The following GTF2IRD1 variants were observed in gnomAD, a reference collection of about 807,000 sequenced individuals.
The protein encoded by GTF2IRD1 is general transcription factor II-I repeat domain-containing protein 1.
In GTF2IRD1, 26 loss-of-function variants were observed where a neutral mutation model predicts 113.2. The ratio of observed to expected loss-of-function variants is 0.23; its 90% confidence interval spans 0.17 to 0.32. GTF2IRD1 has a LOEUF of 0.32. GTF2IRD1 is among the 10% of genes least tolerant of loss of function. GTF2IRD1 has a pLI of 1.00. For missense variants in GTF2IRD1, 864 were observed against 1,280.8 expected, an observed-to-expected ratio of 0.67 and a Z score of 4.97; for synonymous variants, 484 against 529.1, an observed-to-expected ratio of 0.91 and a Z score of 1.17.
At chr7:74,571,301 C>T in intron 22 of GTF2IRD1, 1 of 163,310 alleles carries the variant, frequency 6.1e-6, no homozygotes, top group Non-Finnish European at 1.3e-5. Flanking sequence ...GAGGGATGGG[C>T]TGTCATGAGT....
chr7:74,467,424 A>G (rs1457657551), intron 1 of GTF2IRD1, among the ~76,000 whole-genome samples: 1 of 152,190 alleles, frequency 6.6e-6, no homozygotes, highest in Non-Finnish European at 1.5e-5. Context: ...CCCTCCAGGA[A>G]AGGCAGCTGA....
chr7:74,562,207 G>A (rs1357723673), intron 22 of GTF2IRD1, among the ~76,000 whole-genome samples: 11 of 152,306 alleles, frequency 7.2e-5, no homozygotes, highest in African/African-American at 2.4e-4. Context: ...AGGGTGAATC[G>A]GAGTGGAAGC....
At chr7:74,494,853 G>C (rs1234496772) in intron 1 of GTF2IRD1, among the ~76,000 whole-genome samples, 1 of 152,208 alleles carries the variant, frequency 6.6e-6, no homozygotes, top group East Asian at 1.9e-4. Flanking sequence ...CTGGGCTCAA[G>C]TGGTCCTCTT....
chr7:74,552,396 A>T (rs1799365315), intron 17 of GTF2IRD1, among the ~76,000 whole-genome samples: 1 of 152,024 alleles, frequency 6.6e-6, no homozygotes, highest in Admixed American at 6.6e-5. Flanking sequence ...GGGTCCTGTA[A>T]TTCCAGCTAC....
At chr7:74,542,452 G>A (rs1798686556) in intron 14 of GTF2IRD1, among the ~76,000 whole-genome samples, 1 of 152,192 alleles carries the variant, frequency 6.6e-6, no homozygotes, top group African/African-American at 2.4e-5. Flanking sequence ...GTAACACTAA[G>A]CAAAAGAGGA....
intron 6 of GTF2IRD1, among the ~76,000 whole-genome samples, chr7:74,519,976 G>C (rs1376472496): frequency 6.6e-6 from 1 of 151,154 alleles, no homozygotes; most frequent in African/African-American, 2.4e-5. Flanking sequence ...CTGGGTCCCA[G>C]CTACTCGGGA....
intron 25 of GTF2IRD1, among the ~76,000 whole-genome samples, chr7:74,600,402 G>C (rs139744834): frequency 3.9e-5 from 6 of 152,092 alleles, no homozygotes; most frequent in African/African-American, 1.4e-4. Context: ...CTGGGCAACA[G>C]AGTGAGACCC....
At chr7:74,569,410 A>G (rs782455581) in intron 22 of GTF2IRD1, among the ~76,000 whole-genome samples, 1 of 151,750 alleles carries the variant, frequency 6.6e-6, no homozygotes, top group Non-Finnish European at 1.5e-5. Context: ...GGCCAAAGCC[A>G]CTCCCTGGTC....
chr7:74,520,570 G>A (rs1355086843), intron 6 of GTF2IRD1, among the ~76,000 whole-genome samples: 1 of 151,892 alleles, frequency 6.6e-6, no homozygotes, highest in Non-Finnish European at 1.5e-5. Flanking sequence ...GAAGCTTTGG[G>A]GATGGGACCC....
chr7:74,543,114 C>A (rs1455526043), intron 14 of GTF2IRD1, among the ~76,000 whole-genome samples: 4 of 151,946 alleles, frequency 2.6e-5, no homozygotes, highest in African/African-American at 9.7e-5. Context: ...ACCAGCCTGC[C>A]CAACATGGCG....
chr7:74,596,343 C>T (rs1802408902), intron 25 of GTF2IRD1, among the ~76,000 whole-genome samples: 1 of 151,744 alleles, frequency 6.6e-6, no homozygotes, highest in South Asian at 2.1e-4. Context: ...TGCCTGTAAT[C>T]CCAGCTACTT....
chr7:74,527,414 C>T (rs1274433146), intron 8 of GTF2IRD1, among the ~76,000 whole-genome samples: 1 of 152,142 alleles, frequency 6.6e-6, no homozygotes, highest in Non-Finnish European at 1.5e-5. Flanking sequence ...ATGACTTTAG[C>T]CAGAAGTCGA....
At chr7:74,545,616 C>T (rs772229677) in intron 15 of GTF2IRD1, 128 bp from the exon 16 acceptor site, 31 of 694,712 alleles carry the variant, frequency 4.5e-5, no homozygotes, top group South Asian at 9.5e-5. Context: ...AGTTACCCAC[C>T]GCCCCAGCCC....
chr7:74,566,534 G>C (rs1483510919), intron 22 of GTF2IRD1, among the ~76,000 whole-genome samples: 1 of 152,168 alleles, frequency 6.6e-6, no homozygotes, highest in Non-Finnish European at 1.5e-5. Flanking sequence ...TAGAGACGGG[G>C]TTTTGCCATG....
intron 25 of GTF2IRD1, 75 bp downstream of exon 25, chr7:74,595,126 C>A: frequency 1.8e-6 from 2 of 1,097,696 alleles, no homozygotes; most frequent in Non-Finnish European, 2.7e-6. Context: ...AAAGGTAGAC[C>A]CGGGCGCAGT....
chr7:74,491,084 G>T (rs1795309728), intron 1 of GTF2IRD1, among the ~76,000 whole-genome samples: 2 of 152,142 alleles, frequency 1.3e-5, no homozygotes, highest in South Asian at 4.1e-4. Flanking sequence ...AAAGTGGGCA[G>T]ATCATGAGGT....
intron 22 of GTF2IRD1, chr7:74,572,522 C>T: frequency 1.1e-6 from 1 of 944,650 alleles, no homozygotes; most frequent in South Asian, 4.9e-5. Flanking sequence ...GATGAGTTAA[C>T]TGTCTTTGGG....
At position 74,534,159 on chromosome 7, in the gene GTF2IRD1, C is replaced by T. The variant is rs587673028; in HGVS notation, c.1275-954C>T. ...GTTGGGCAAAAGCCCTCAGGATAAACGAATAAGTCATTCAGAGTAGGTGCT... is the reference window on the plus strand; with the variant it reads ...GTTGGGCAAAAGCCCTCAGGATAAATGAATAAGTCATTCAGAGTAGGTGCT... On this transcript the variant is annotated intron_variant, in intron 9 of 26. Transcript: ENST00000424337. 1.8e-4 allele frequency among the ~76,000 whole-genome samples: 28 copies of T among 152,246 alleles called. 1 individual carries two copies. In the South Asian group the frequency reaches 3.9e-3, roughly 21 times the overall value.
At chr7:74,548,181 G>T (rs1246515979) in intron 17 of GTF2IRD1, among the ~76,000 whole-genome samples, 7 of 152,148 alleles carry the variant, frequency 4.6e-5, no homozygotes, top group African/African-American at 1.7e-4. Context: ...ACTTTGGGAG[G>T]CTGAGGCGGG....
Sources: gnomAD v4.1 joint callset for allele counts (sites outside exome capture counted in the v4.1 genomes callset) on GRCh38, gnomAD v4.1.1 for gene constraint, MANE v1.5 for transcripts, NCBI Gene and HGNC (gene_info 2026-07-23, HGNC 2026-07-21) for gene names.